The following AFF3 variants were observed in gnomAD, a reference collection of about 807,000 sequenced individuals.
AFF3 encodes the protein AF4/FMR2 family member 3.
AFF3 carries 32 observed loss-of-function variants against 129.7 expected under a neutral mutation model. The ratio of observed to expected loss-of-function variants is 0.25; its 90% CI spans 0.19 to 0.33. The LOEUF is 0.33. Ranked by LOEUF, AFF3 falls within the 10% of genes least tolerant of loss-of-function variation. The pLI is 1.00. For missense variants in AFF3, 1,373 were observed against 1,592.0 expected (o/e 0.86, Z 2.34); for synonymous variants, 644 against 635.4 (o/e 1.01, Z -0.20).
chr2:99,549,723 A>G lies in AFF3; in HGVS notation c.*1751T>C. 1 of 219,622 alleles carries G rather than the reference A, an allele frequency of 4.6e-6. No individual in the cohort carries two copies. The allele number at this position is 219,622 out of a possible 1,614,324, so 13.6% of individuals were successfully genotyped here. On this transcript the variant is annotated 3_prime_UTR_variant, in exon 25 of 25. Transcript: ENST00000672756. ...CCTTCTTATTTTCAATTAATTTCAA[A>G]TCATCTAAGTTGTTCAGTCATTTAT...
intron 7 of AFF3, among the ~76,000 whole-genome samples, chr2:100,003,124 G>A (rs10207111): frequency 0.032 from 4,868 of 150,464 alleles, 284 homozygotes; most frequent in African/African-American, 0.11. Context: ...GGGTGGGGGT[G>A]GTACTGTGTT....
At chr2:99,925,004 T>C (rs376052715) in intron 7 of AFF3, among the ~76,000 whole-genome samples, 2 of 151,890 alleles carry the variant, frequency 1.3e-5, no homozygotes, top group African/African-American at 4.8e-5. Context: ...GCCACCTGAA[T>C]AGCTAGGACC....
At chr2:100,100,613 TTCTTG>T (rs1407964328) in intron 4 of AFF3, among the ~76,000 whole-genome samples, 1 of 152,234 alleles carries the variant, frequency 6.6e-6, no homozygotes, top group Admixed American at 6.5e-5. Flanking sequence ...TTCATGTGTG[TTCTTG>T]TCTTAATTTC....
chr2:99,622,821 G>A (rs936314392), intron 13 of AFF3, among the ~76,000 whole-genome samples: 2 of 152,230 alleles, frequency 1.3e-5, no homozygotes, highest in African/African-American at 2.4e-5. Flanking sequence ...AGTGGATGCA[G>A]AGTCAGGCCC....
chr2:99,845,901 C>G (rs997559830), intron 7 of AFF3, among the ~76,000 whole-genome samples: 5 of 151,278 alleles, frequency 3.3e-5, no homozygotes, highest in Admixed American at 1.3e-4. Flanking sequence ...GGTGCGATCT[C>G]AGCTCACTGC....
At chr2:99,921,663 A>G (rs1377124957) in intron 7 of AFF3, among the ~76,000 whole-genome samples, 1 of 152,182 alleles carries the variant, frequency 6.6e-6, no homozygotes, top group East Asian at 1.9e-4. Flanking sequence ...ATTAGAATGA[A>G]AGAGACACTT....
At chr2:99,595,246 C>T (rs1404090631) in intron 14 of AFF3, among the ~76,000 whole-genome samples, 3 of 152,098 alleles carry the variant, frequency 2.0e-5, no homozygotes, top group Non-Finnish European at 2.9e-5. Context: ...GTCAATTTAT[C>T]CAGCATTATG....
chr2:99,871,814 A>G (rs1307253333), intron 7 of AFF3, among the ~76,000 whole-genome samples: 1 of 152,090 alleles, frequency 6.6e-6, no homozygotes, highest in Non-Finnish European at 1.5e-5. Flanking sequence ...TTTAGTTGCA[A>G]CCCACACAAT....
At chr2:99,578,494 G>A (rs1333376976) in intron 17 of AFF3, 43 bp from the exon 18 acceptor site, 5 of 1,604,602 alleles carry the variant, frequency 3.1e-6, no homozygotes, top group Non-Finnish European at 4.2e-6. Context: ...TTGGCCACCT[G>A]GTGAAGCGAG....
At chr2:99,590,869 T>C (rs1270333219) in intron 15 of AFF3, among the ~76,000 whole-genome samples, 1 of 151,916 alleles carries the variant, frequency 6.6e-6, no homozygotes, top group African/African-American at 2.4e-5. Context: ...GGCACATGCC[T>C]GTAATCCAAG....
At position 99,856,106 on chromosome 2, in the gene AFF3, T is replaced by C. The variant is rs563630280; in HGVS notation, c.874-18582A>G. Among the ~76,000 whole-genome samples, 179 of 152,292 alleles carry C rather than the reference T, an allele frequency of 1.2e-3. 5 individuals are homozygous for C. In the South Asian group the frequency reaches 0.036, roughly 31 times the overall value. ...CAGTCTATGGAAGTCTAAGAAGATA[T>C]GACAACGAAATGTGTGGTATTCTAG... On this transcript the variant is annotated intron_variant, in intron 7 of 24. Coordinates refer to ENST00000672756, the MANE Select transcript of AFF3 (RefSeq NM_001386135.1).
intron 4 of AFF3, among the ~76,000 whole-genome samples, chr2:100,054,675 A>G (rs1686622998): frequency 6.6e-6 from 1 of 152,186 alleles, no homozygotes; most frequent in Non-Finnish European, 1.5e-5. Flanking sequence ...CCTTATCCTA[A>G]GGATTTACGT....
intron 8 of AFF3, among the ~76,000 whole-genome samples, chr2:99,788,717 C>T (rs1010191078): frequency 3.3e-5 from 5 of 152,134 alleles, no homozygotes; most frequent in South Asian, 4.1e-4. Flanking sequence ...CAGTAGTGTA[C>T]GATAATGTCC....
chr2:100,056,063 T>TCTCACA (rs1553514734), intron 4 of AFF3, among the ~76,000 whole-genome samples: 7 of 120,570 alleles, frequency 5.8e-5, no homozygotes, highest in African/African-American at 2.3e-4. Flanking sequence ...TGTCTCTCTC[T>TCTCACA]CACACACACA....
chr2:99,796,939 A>G (rs1685592603), intron 8 of AFF3, among the ~76,000 whole-genome samples: 1 of 152,186 alleles, frequency 6.6e-6, no homozygotes, highest in South Asian at 2.1e-4. Context: ...GCTCTTTCTC[A>G]CCTGACAAAC....
intron 7 of AFF3, among the ~76,000 whole-genome samples, chr2:99,844,434 CTTTTTTTTTT>C (rs984233053): frequency 1.2e-4 from 11 of 92,464 alleles, no homozygotes; most frequent in African/African-American, 3.0e-4. Context: ...TTTTTCTTTT[CTTTTTTTTTT>C]TTTTTTTTTT....
chr2:99,976,220 T>A (rs988533497), intron 7 of AFF3, among the ~76,000 whole-genome samples: 2 of 152,244 alleles, frequency 1.3e-5, no homozygotes, highest in African/African-American at 4.8e-5. Flanking sequence ...GAACTGTACT[T>A]CAACAGGAAT....
intron 4 of AFF3, among the ~76,000 whole-genome samples, chr2:100,031,874 G>A (rs547331689): frequency 9.9e-5 from 15 of 152,238 alleles, no homozygotes; most frequent in Non-Finnish European, 2.2e-4. Flanking sequence ...AATAATTTAT[G>A]TAGATATTCC....
rs564351068 is a variant in AFF3 at position 99,891,839 on chromosome 2, T to C, written c.874-54315A>G. Among the ~76,000 whole-genome samples the C allele has an allele frequency of 2.3e-3, 350 of 151,980 alleles. 2 individuals carry two copies. The highest frequency in any genetic ancestry group is 4.6e-3 in the South Asian group (22 of 4,794). On this transcript the variant is annotated intron_variant, in intron 7 of 24. Coordinates refer to ENST00000672756, the MANE Select transcript of AFF3 (RefSeq NM_001386135.1). The stretch of plus-strand genomic sequence containing the variant: ...AAGCCCACCAGCACATTTTTTTTTT[T>C]TGAGACAGAGTCTCGCTCTGTTGCC...
Sources: gnomAD v4.1 joint callset for allele counts (sites outside exome capture counted in the v4.1 genomes callset) on GRCh38, gnomAD v4.1.1 for gene constraint, MANE v1.5 for transcripts, NCBI Gene and HGNC (gene_info 2026-07-23, HGNC 2026-07-21) for gene names.